DLG2: variants seen among roughly 807,000 people sequenced by gnomAD.
The protein encoded by DLG2 is disks large homolog 2.
Under a neutral mutation model 132.5 loss-of-function variants are expected in DLG2, and 45 were observed. That is an observed-to-expected ratio of 0.34 (90% CI 0.27 to 0.44). DLG2 has a LOEUF of 0.44. Ranked by LOEUF, DLG2 falls within the 20% of genes least tolerant of loss-of-function variation. The pLI is 1.00. For missense variants in DLG2, 1,045 were observed against 1,196.9 expected, an observed-to-expected ratio of 0.87 and a Z score of 1.87; for synonymous variants, 424 against 419.6, an observed-to-expected ratio of 1.01 and a Z score of -0.13.
intron 17 of DLG2, among the ~76,000 whole-genome samples, chr11:83,801,605 A>C (rs564339086): frequency 6.6e-6 from 1 of 152,182 alleles, no homozygotes; most frequent in South Asian, 2.1e-4. Context: ...AGCTTTTCTC[A>C]TCTTTGACAA....
At chr11:83,510,761 C>T (rs2094963186) in intron 21 of DLG2, among the ~76,000 whole-genome samples, 1 of 149,780 alleles carries the variant, frequency 6.7e-6, no homozygotes, top group African/African-American at 2.5e-5. Flanking sequence ...CAAGCAGGGC[C>T]AGTCAGAGGA....
intron 4 of DLG2, among the ~76,000 whole-genome samples, chr11:85,175,975 A>C (rs144180335): frequency 0.019 from 2,960 of 152,308 alleles, 56 homozygotes; most frequent in Admixed American, 0.037. Context: ...GACAAAAACA[A>C]ATGAAAAAAC....
At chr11:84,822,693 A>G (rs1313665727) in intron 6 of DLG2, among the ~76,000 whole-genome samples, 3 of 151,906 alleles carry the variant, frequency 2.0e-5, no homozygotes, top group Non-Finnish European at 4.4e-5. Flanking sequence ...GTATTTTCTT[A>G]TGGAGAGAGA....
chr11:84,803,246 C>G (rs977690099), intron 6 of DLG2, among the ~76,000 whole-genome samples: 1 of 152,152 alleles, frequency 6.6e-6, no homozygotes, highest in African/African-American at 2.4e-5. Context: ...TTATTTTTAA[C>G]AGTAACCAAT....
At chr11:84,020,328 T>C (rs369717658) in intron 11 of DLG2, among the ~76,000 whole-genome samples, 1 of 152,114 alleles carries the variant, frequency 6.6e-6, no homozygotes, top group Non-Finnish European at 1.5e-5. Flanking sequence ...TATATATAGA[T>C]ATAGATGATA....
chr11:84,901,659 A>G (rs1274633892), intron 6 of DLG2, among the ~76,000 whole-genome samples: 1 of 152,092 alleles, frequency 6.6e-6, no homozygotes, highest in Non-Finnish European at 1.5e-5. Context: ...TATATTAATA[A>G]TGTGTTTTAA....
chr11:83,948,686 G>T (rs1419909023), intron 14 of DLG2, among the ~76,000 whole-genome samples: 2 of 151,640 alleles, frequency 1.3e-5, no homozygotes, highest in Non-Finnish European at 1.5e-5. Context: ...CATGTTAATA[G>T]CATAAAGATA....
At chr11:84,748,174 GCT>G (rs2065631247) in intron 6 of DLG2, among the ~76,000 whole-genome samples, 1 of 152,264 alleles carries the variant, frequency 6.6e-6, no homozygotes, top group African/African-American at 2.4e-5. Flanking sequence ...TGAGAAATCT[GCT>G]CTCTTTTTCA....
chr11:84,485,927 C>G (rs567702986), intron 7 of DLG2, among the ~76,000 whole-genome samples: 10 of 152,218 alleles, frequency 6.6e-5, no homozygotes, highest in Admixed American at 2.6e-4. Flanking sequence ...AGGATCTAGA[C>G]TAACACACCA....
At chr11:83,879,496 C>A (rs2065607627) in intron 15 of DLG2, among the ~76,000 whole-genome samples, 2 of 152,032 alleles carry the variant, frequency 1.3e-5, no homozygotes, top group Admixed American at 6.6e-5. Context: ...ATATTTCTTT[C>A]TTCTCTTTTT....
At chr11:83,898,916 T>C (rs1361646259) in intron 15 of DLG2, among the ~76,000 whole-genome samples, 1 of 152,206 alleles carries the variant, frequency 6.6e-6, no homozygotes, top group Non-Finnish European at 1.5e-5. Flanking sequence ...GATAATATTG[T>C]CCACATTTTA....
rs146167862 is a variant in DLG2, at chr11:84,159,450, C to T, written c.624+4011G>A. On this transcript the variant is annotated intron_variant, in intron 9 of 27. Transcript: ENST00000376104. ...AAGAATAAACCATGTAAAGATATAA[C>T]GGACAATTTTTCCAGGCAGCTAGAA... is the stretch of plus-strand genomic sequence containing the variant. Among the ~76,000 whole-genome samples, 637 of 152,114 alleles carry T rather than the reference C, an allele frequency of 4.2e-3. 4 individuals are homozygous for T. Among genetic ancestry groups the T allele is most frequent in the African/African-American group, 0.014 (592 of 41,478 alleles).
intron 10 of DLG2, 42 bp downstream of exon 10, chr11:84,098,881 C>G (rs377005264): frequency 5.0e-6 from 8 of 1,599,736 alleles, no homozygotes; most frequent in African/African-American, 2.7e-5. Context: ...ATTGATGCAG[C>G]AGATTTACTT....
intron 6 of DLG2, among the ~76,000 whole-genome samples, chr11:84,925,930 C>G (rs923041667): frequency 1.1e-4 from 16 of 152,110 alleles, no homozygotes; most frequent in Middle Eastern, 3.4e-3. Flanking sequence ...AATACAGGAG[C>G]CTGAAGCCAT....
At chr11:84,899,706 G>A (rs2090648202) in intron 6 of DLG2, among the ~76,000 whole-genome samples, 1 of 152,006 alleles carries the variant, frequency 6.6e-6, no homozygotes, top group Non-Finnish European at 1.5e-5. Context: ...GAGAAGCAGG[G>A]AGCATCTTCA....
intron 6 of DLG2, among the ~76,000 whole-genome samples, chr11:84,710,145 A>G (rs758213339): frequency 3.3e-5 from 5 of 152,086 alleles, no homozygotes; most frequent in Non-Finnish European, 7.4e-5. Flanking sequence ...AATTCATGTC[A>G]AGTCCTTAGA....
intron 7 of DLG2, among the ~76,000 whole-genome samples, chr11:84,420,768 A>G (rs2098947441): frequency 7.2e-6 from 1 of 139,266 alleles, no homozygotes; most frequent in African/African-American, 2.7e-5. Context: ...TCCCGGGTTC[A>G]CGCCATTCTC....
chr11:84,709,009 T>C (rs1051236051), intron 6 of DLG2, among the ~76,000 whole-genome samples: 4 of 151,868 alleles, frequency 2.6e-5, no homozygotes, highest in Non-Finnish European at 5.9e-5. Context: ...ATACATCTGG[T>C]AACAAAAGCT....
chr11:83,777,197 A>C (rs1188558381), intron 18 of DLG2, among the ~76,000 whole-genome samples: 1 of 152,244 alleles, frequency 6.6e-6, no homozygotes, highest in Non-Finnish European at 1.5e-5. Context: ...TTTAGTAATA[A>C]AGTAAATTAC....
Sources: gnomAD v4.1 joint callset for allele counts (sites outside exome capture counted in the v4.1 genomes callset) on GRCh38, gnomAD v4.1.1 for gene constraint, MANE v1.5 for transcripts, NCBI Gene and HGNC (gene_info 2026-07-23, HGNC 2026-07-21) for gene names.